MAPK8: variants seen among roughly 807,000 people sequenced by gnomAD.
MAPK8 encodes the protein mitogen-activated protein kinase 8.
Under a neutral mutation model 52.9 loss-of-function variants are expected in MAPK8, and 13 were observed. The observed-to-expected ratio is 0.25, with a 90% CI of 0.16 to 0.39. The LOEUF (loss-of-function observed/expected upper bound fraction) is 0.39. Among genes scored for constraint, MAPK8 ranks in the 10% least tolerant of loss-of-function variants. The pLI, the probability that MAPK8 is intolerant of heterozygous loss-of-function variation, is 1.00. For missense variants in MAPK8, 300 were observed against 519.2 expected (o/e 0.58, Z 4.10); for synonymous variants, 191 against 169.8 (o/e 1.12, Z -0.97).
intron 1 of MAPK8, among the ~76,000 whole-genome samples, chr10:48,349,823 A>G (rs1314566525): frequency 6.6e-6 from 1 of 152,218 alleles, no homozygotes; most frequent in Non-Finnish European, 1.5e-5. Flanking sequence ...AAAATCAGTG[A>G]ATCCAGGAGC....
At chr10:48,399,066 A>C (rs1414499980) in intron 1 of MAPK8, among the ~76,000 whole-genome samples, 1 of 152,086 alleles carries the variant, frequency 6.6e-6, no homozygotes, top group East Asian at 1.9e-4. Flanking sequence ...ACTCATATTC[A>C]GTGTTCAGAT....
chr10:48,413,815 T>TTATATATATATATATATATATA (rs59042608), intron 5 of MAPK8, among the ~76,000 whole-genome samples: 3 of 48,410 alleles, frequency 6.2e-5, no homozygotes, highest in Non-Finnish European at 8.7e-5. Flanking sequence ...GCCAGAATTG[T>TTATATATATATATATATATATA]TATATATATA....
chr10:48,373,621 C>G (rs1028597052), intron 1 of MAPK8, among the ~76,000 whole-genome samples: 1 of 124,550 alleles, frequency 8.0e-6, no homozygotes, highest in African/African-American at 3.1e-5. Context: ...ATCCTAGTCT[C>G]TGATAAAAGA....
chr10:48,420,389 T>C (rs1257329838), intron 6 of MAPK8, 69 bp downstream of exon 6: 3 of 1,371,362 alleles, frequency 2.2e-6, no homozygotes, highest in African/African-American at 2.9e-5. Flanking sequence ...AGATTTTTAA[T>C]GTAAATACTT....
chr10:48,374,209 A>T (rs1466535469), intron 1 of MAPK8, among the ~76,000 whole-genome samples: 1 of 152,212 alleles, frequency 6.6e-6, no homozygotes, highest in Non-Finnish European at 1.5e-5. Flanking sequence ...GAACAAAGAC[A>T]CAATGTAGGA....
intron 3 of MAPK8, among the ~76,000 whole-genome samples, chr10:48,408,197 A>G (rs1441186503): frequency 6.6e-6 from 1 of 152,202 alleles, no homozygotes; most frequent in Non-Finnish European, 1.5e-5. Flanking sequence ...GTAACTTGCC[A>G]TATACTAGGC....
At chr10:48,355,234 G>C (rs994390945) in intron 1 of MAPK8, among the ~76,000 whole-genome samples, 2 of 152,182 alleles carry the variant, frequency 1.3e-5, no homozygotes, top group African/African-American at 4.8e-5. Context: ...ATAGGGCTGG[G>C]CGTGGTGGCT....
At chr10:48,432,495 T>C (rs1308470927) in intron 11 of MAPK8, among the ~76,000 whole-genome samples, 2 of 152,216 alleles carry the variant, frequency 1.3e-5, no homozygotes, top group Admixed American at 1.3e-4. Flanking sequence ...GCCTTTTCTC[T>C]ACAATTTACT....
At chr10:48,391,727 C>T (rs1353536195) in intron 1 of MAPK8, among the ~76,000 whole-genome samples, 4 of 152,112 alleles carry the variant, frequency 2.6e-5, no homozygotes, top group African/African-American at 9.7e-5. Context: ...GTCGAGGGCC[C>T]AGTCCCCTCC....
At chr10:48,359,068 C>T (rs551897687) in intron 1 of MAPK8, among the ~76,000 whole-genome samples, 26 of 152,082 alleles carry the variant, frequency 1.7e-4, no homozygotes, top group African/African-American at 5.8e-4. Flanking sequence ...ATAAAAAACC[C>T]GACTTTTGGT....
At chr10:48,335,479 T>C (rs796162867) in intron 1 of MAPK8, among the ~76,000 whole-genome samples, 5 of 152,186 alleles carry the variant, frequency 3.3e-5, no homozygotes, top group African/African-American at 4.8e-5. Flanking sequence ...AGCAAAATCA[T>C]TGGATCCTGC....
intron 1 of MAPK8, among the ~76,000 whole-genome samples, chr10:48,379,709 A>G (rs1001481425): frequency 6.6e-6 from 1 of 152,190 alleles, no homozygotes; most frequent in Non-Finnish European, 1.5e-5. Context: ...GTTCAGTCCC[A>G]TGTAATTAAT....
intron 1 of MAPK8, among the ~76,000 whole-genome samples, chr10:48,329,967 A>G (rs1418185119): frequency 6.6e-6 from 1 of 152,206 alleles, no homozygotes; most frequent in Non-Finnish European, 1.5e-5. Flanking sequence ...CGGCAAATAT[A>G]AAATATTTAG....
intron 1 of MAPK8, among the ~76,000 whole-genome samples, chr10:48,314,074 G>A (rs1222831083): frequency 2.6e-5 from 4 of 152,082 alleles, no homozygotes; most frequent in African/African-American, 9.7e-5. Flanking sequence ...CTCTGTTTGG[G>A]CTGCTATATC....
At chr10:48,358,318 T>G (rs1847176392) in intron 1 of MAPK8, among the ~76,000 whole-genome samples, 1 of 152,234 alleles carries the variant, frequency 6.6e-6, no homozygotes, top group Non-Finnish European at 1.5e-5. Flanking sequence ...CACATCGTGG[T>G]CAGAGCTTGT....
intron 1 of MAPK8, among the ~76,000 whole-genome samples, chr10:48,346,585 A>G (rs1845808253): frequency 6.6e-6 from 1 of 152,042 alleles, no homozygotes; most frequent in East Asian, 1.9e-4. Context: ...GGGAGTTTAG[A>G]GAAGACTTTG....
At chr10:48,349,356 T>C (rs935420704) in intron 1 of MAPK8, among the ~76,000 whole-genome samples, 3 of 152,134 alleles carry the variant, frequency 2.0e-5, no homozygotes, top group Non-Finnish European at 2.9e-5. Context: ...TATTCTAAAA[T>C]TGACCACATA....
intron 1 of MAPK8, among the ~76,000 whole-genome samples, chr10:48,395,658 G>C (rs1185731229): frequency 6.6e-6 from 1 of 151,872 alleles, no homozygotes; most frequent in Non-Finnish European, 1.5e-5. Flanking sequence ...AATGTATATA[G>C]AATTATGAAG....
At position 48,436,465 on chromosome 10, in the gene MAPK8, C is replaced by T. The variant is rs972797749; in HGVS notation, c.*1436C>T. 1 of 152,142 alleles carries T rather than the reference C, an allele frequency of 6.6e-6. No homozygotes were observed. Among genetic ancestry groups the T allele is most frequent in the Non-Finnish European group, 1.5e-5 (1 of 68,040 alleles). 9.4% of individuals were successfully genotyped at this position (152,142 alleles called of 1,614,324 possible). On this transcript the variant is annotated 3_prime_UTR_variant, in exon 12 of 12. Coordinates refer to ENST00000374189, the MANE Select transcript of MAPK8 (RefSeq NM_001323329.2). ...ATACGTTGTCTGTAATAGACCCAGG[C>T]ACCTTTTAAATTATCTCTGGAACAA...
Sources: gnomAD v4.1 joint callset for allele counts (sites outside exome capture counted in the v4.1 genomes callset) on GRCh38, gnomAD v4.1.1 for gene constraint, MANE v1.5 for transcripts, NCBI Gene and HGNC (gene_info 2026-07-23, HGNC 2026-07-21) for gene names.